EXOC3L2: variants seen among roughly 807,000 people sequenced by gnomAD.
EXOC3L2 encodes the protein exocyst complex component 3 like 2.
Under a neutral mutation model 44.4 loss-of-function variants are expected in EXOC3L2, and 17 were observed. The observed-to-expected ratio is 0.38, with a 90% CI of 0.26 to 0.57. The LOEUF (loss-of-function observed/expected upper bound fraction) is 0.57. Among genes scored for constraint, EXOC3L2 ranks in the 20% least tolerant of loss-of-function variants. The pLI is 0.65. For synonymous variants in EXOC3L2, 256 were observed against 253.7 expected (o/e 1.01, Z -0.09); for missense variants, 541 against 588.4 (o/e 0.92, Z 0.83).
chr19:45,227,243 G>A (rs346766), intron 7 of EXOC3L2, among the ~76,000 whole-genome samples: 4,256 of 150,632 alleles, frequency 0.028, 168 homozygotes, highest in African/African-American at 0.094. Flanking sequence ...TCAGCCTCCC[G>A]AGTAGCTGGG....
chr19:45,214,023 T>G (rs1417984141), intron 11 of EXOC3L2, among the ~76,000 whole-genome samples: 1 of 151,988 alleles, frequency 6.6e-6, no homozygotes, highest in East Asian at 1.9e-4. Flanking sequence ...TACCTCCTAA[T>G]CTCAAGCTCA....
At chr19:45,217,745 C>T in intron 9 of EXOC3L2, 62 bp from the exon 10 acceptor site, 1 of 1,380,936 alleles carries the variant, frequency 7.2e-7, no homozygotes, top group Non-Finnish European at 9.3e-7. Context: ...CCCATCCCGC[C>T]AGTCTGAAGG....
rs1970098656 is a variant in EXOC3L2, at chr19:45,238,018, A to T, written c.523+505T>A. 6.6e-6 allele frequency among the ~76,000 whole-genome samples: 1 copy of T among 152,086 alleles called. No individual in the cohort carries two copies. Among genetic ancestry groups the T allele is most frequent in the African/African-American group, 2.4e-5 (1 of 41,418 alleles). ...ATTATCCAGGTGGCACATGCCTGTA[A>T]TATCAGCTACTCGGGAGGCTGAGGC... On this transcript the variant is annotated intron_variant, in intron 2 of 11. Transcript: ENST00000413988. The surrounding 1 kb of genome is among the most constrained non-coding windows in gnomAD (Gnocchi z 5.5).
intron 11 of EXOC3L2, among the ~76,000 whole-genome samples, chr19:45,214,005 G>A (rs1237214233): frequency 1.3e-5 from 2 of 151,746 alleles, no homozygotes; most frequent in Non-Finnish European, 2.9e-5. Context: ...TAAATCCTCA[G>A]CCCTAGGTAC....
intron 2 of EXOC3L2, among the ~76,000 whole-genome samples, 180 bp from the exon 3 acceptor site, chr19:45,235,006 G>A (rs1970069777): frequency 6.6e-6 from 1 of 152,074 alleles, no homozygotes; most frequent in African/African-American, 2.4e-5. Flanking sequence ...TTGAGTGAAG[G>A]ATGTAGGGGA....
At chr19:45,220,803 G>A (rs1024956037) in intron 8 of EXOC3L2, among the ~76,000 whole-genome samples, 1 of 151,790 alleles carries the variant, frequency 6.6e-6, no homozygotes, top group South Asian at 2.1e-4. Flanking sequence ...GTGCTTTACC[G>A]AGATGGGAGG....
rs942176532 is a variant in EXOC3L2 at position 45,231,758 on chromosome 19, G to A, written c.1269+5C>T. 3 of 1,601,254 alleles carry A rather than the reference G, an allele frequency of 1.9e-6. No homozygotes were observed. Among genetic ancestry groups the A allele is most frequent in the Non-Finnish European group, 2.6e-6 (3 of 1,169,826 alleles). On this transcript the variant is annotated splice_donor_5th_base_variant and intron_variant, in intron 4 of 11. Transcript: ENST00000413988. ...CCTGCTTCCAAAATGCAAAGTTCCAGGTACCTTAACATCTGTGACGCATTC... is the reference window on the plus strand; with the variant it reads ...CCTGCTTCCAAAATGCAAAGTTCCAAGTACCTTAACATCTGTGACGCATTC...
intron 11 of EXOC3L2, 64 bp downstream of exon 11, chr19:45,216,009 T>G: frequency 6.3e-7 from 1 of 1,596,062 alleles, no homozygotes; most frequent in Non-Finnish European, 8.5e-7. Flanking sequence ...CAGGGACGGA[T>G]GCCAAGGCCG....
chr19:45,216,995 G>A (rs1568479330), intron 10 of EXOC3L2: 1 of 151,826 alleles, frequency 6.6e-6, no homozygotes, highest in East Asian at 1.9e-4. Context: ...TCTGTTGCAT[G>A]TAGTTTCTCT....
Position 45,213,333 on chromosome 19 carries a change from G to C in EXOC3L2, c.2145C>G (p.Leu715=). ...DIRQKHVAAL[L]DIRGLRNTAA... The stretch of plus-strand genomic sequence containing the variant: ...CTGTGTTGCGCAGGCCACGGATGTC[G>C]AGGAGGGCTGCCACGTGCTTCTGCC... The change falls in exon 12 of 12, where the codon CTC becomes CTG. Residue 715 remains leucine, a synonymous_variant. Transcript: ENST00000413988. 1 of 1,613,580 alleles carries C rather than the reference G, an allele frequency of 6.2e-7. No individual in the cohort carries two copies. The highest frequency in any genetic ancestry group is 8.5e-7 in the Non-Finnish European group (1 of 1,179,772).
intron 7 of EXOC3L2, 26 bp from the exon 8 acceptor site, chr19:45,224,939 T>G (rs1290080440): frequency 1.3e-6 from 2 of 1,492,934 alleles, no homozygotes; most frequent in Non-Finnish European, 1.8e-6. Context: ...GAGCCAAAAC[T>G]GAGGGACCCC....
chr19:45,225,588 C>G (rs1371407659), intron 7 of EXOC3L2, among the ~76,000 whole-genome samples: 1 of 143,504 alleles, frequency 7.0e-6, no homozygotes, highest in Non-Finnish European at 1.5e-5. Context: ...TTCTAATGGT[C>G]TACAGCTCTG....
intron 1 of EXOC3L2, among the ~76,000 whole-genome samples, chr19:45,242,169 C>A (rs949825119): frequency 6.6e-6 from 1 of 152,152 alleles, no homozygotes; most frequent in Non-Finnish European, 1.5e-5. Flanking sequence ...TTCAAACATT[C>A]GGAAAAGTAC....
At position 45,213,910 on chromosome 19, in the gene EXOC3L2, C is replaced by T. The variant is rs535946189; in HGVS notation, c.2121-553G>A. Among the ~76,000 whole-genome samples, 29 of 151,984 alleles carry T rather than the reference C, an allele frequency of 1.9e-4. 1 individual carries two copies. The highest frequency in any genetic ancestry group is 1.7e-3 in the Admixed American group (26 of 15,234). On this transcript the variant is annotated intron_variant, in intron 11 of 11. Coordinates refer to ENST00000413988, the MANE Select transcript of EXOC3L2 (RefSeq NM_001382422.1). ...CAGAGGTTGCAGTGAGCTGAGATCG[C>T]GCCACTGCAGTCCAGCCTGGGTGAC...
At chr19:45,218,143 C>A in intron 9 of EXOC3L2, 54 bp downstream of exon 9, 1 of 1,180,194 alleles carries the variant, frequency 8.5e-7, no homozygotes, top group Non-Finnish European at 1.2e-6. Context: ...TTTCCCCTTT[C>A]CTCCTCCCCT....
intron 3 of EXOC3L2, among the ~76,000 whole-genome samples, chr19:45,233,635 A>T (rs1970052802): frequency 6.6e-6 from 1 of 152,148 alleles, no homozygotes; most frequent in South Asian, 2.1e-4. Flanking sequence ...GATAGTGCTA[A>T]AATTGTAGAA....
At chr19:45,243,245 A>G (rs941131411) in intron 1 of EXOC3L2, among the ~76,000 whole-genome samples, 1 of 152,150 alleles carries the variant, frequency 6.6e-6, no homozygotes, top group East Asian at 1.9e-4. Flanking sequence ...TTGTTCTTCT[A>G]TTGCTGGACG....
At position 45,228,224 on chromosome 19, in the gene EXOC3L2, C is replaced by T. The variant is rs748223867; in HGVS notation, c.1312G>A (p.Glu438Lys). ...AALLRVLQED[E>K]EHWGSLEDQP... ...TCCTCCAGGCTCCCCCAGTGCTCTT[C>T]GTCCTCCTGCAGCACACGGAGAAGG... Residue 438 changes from glutamate (E) to lysine (K), a missense_variant, in exon 5 of 12, where the codon GAA becomes AAA. Coordinates refer to ENST00000413988, the MANE Select transcript of EXOC3L2 (RefSeq NM_001382422.1). 17 of 1,614,104 alleles carry T rather than the reference C, an allele frequency of 1.1e-5. No individual in the cohort carries two copies. The highest frequency in any genetic ancestry group is 1.3e-5 in the African/African-American group (1 of 75,030).
Position 45,243,515 on chromosome 19 carries a change from C to T in EXOC3L2, c.-17+1826G>A, listed in dbSNP as rs168317. Among the ~76,000 whole-genome samples the T allele has an allele frequency of 3.0e-3, 457 of 152,346 alleles. 3 individuals carry two copies. The highest frequency in any genetic ancestry group is 0.01 in the African/African-American group (422 of 41,588). ...CGGACCTCCTTCCGGTCTCCATGGG[C>T]CCCCGCCCCCACAGGAGGCAGTCAC... On this transcript the variant is annotated intron_variant, in intron 1 of 11. Transcript: ENST00000413988.
Sources: gnomAD v4.1 joint callset for allele counts (sites outside exome capture counted in the v4.1 genomes callset) on GRCh38, gnomAD v4.1.1 for gene constraint, Gnocchi (gnomAD v3.1) non-coding constraint, MANE v1.5 for transcripts, NCBI Gene and HGNC (gene_info 2026-07-23, HGNC 2026-07-21) for gene names.